The following THBS3 variants were observed in gnomAD, a reference collection of about 807,000 sequenced individuals.
The protein encoded by THBS3 is thrombospondin-3.
THBS3 carries 78 observed loss-of-function variants against 118.3 expected under a neutral mutation model. The ratio of observed to expected loss-of-function variants is 0.66; its 90% CI spans 0.55 to 0.80. The LOEUF (loss-of-function observed/expected upper bound fraction) is 0.80. THBS3 is among the 30% of genes least tolerant of loss of function. The pLI, the probability that THBS3 is intolerant of heterozygous loss-of-function variation, is 0.00. For synonymous variants in THBS3, 427 were observed against 475.3 expected, an observed-to-expected ratio of 0.90 and a Z score of 1.32; for missense variants, 1,057 against 1,247.4, an observed-to-expected ratio of 0.85 and a Z score of 2.30.
rs1371274246 is a variant in THBS3, at chr1:155,202,840, T to C, written c.929A>G (p.Asn310Ser). The change falls in exon 8 of 23, where the codon AAC becomes AGC. Residue 310 changes from asparagine to serine, a missense_variant. Asn to Ser is a conservative substitution (Grantham distance 46). Transcript: ENST00000368378. The surrounding 1 kb of genome is among the most constrained non-coding windows in gnomAD (Gnocchi z 5.5). ...CGPCPPGLQG[N>S]GTHCSDINEC... ...ATTGATGTCACTGCAGTGGGTGCCGTTGCCCTGCAGGCCAGGGGGGCAGGG... is the reference window on the plus strand; with the variant it reads ...ATTGATGTCACTGCAGTGGGTGCCGCTGCCCTGCAGGCCAGGGGGGCAGGG... 6.2e-7 allele frequency: 1 copy of C among 1,613,336 alleles called. No individual in the cohort carries two copies. Among genetic ancestry groups the C allele is most frequent in the Non-Finnish European group, 8.5e-7 (1 of 1,179,864 alleles).
chr1:155,208,714 CTCCGCTCCG>C, upstream of THBS3: 1 of 1,327,160 alleles, frequency 7.5e-7, no homozygotes, highest in Non-Finnish European at 9.9e-7. Context: ...CCAGCCCGGC[CTCCGCTCCG>C]GCCGCCGCCA....
chr1:155,208,051 G>A (rs1670817680), upstream of THBS3: 3 of 595,712 alleles, frequency 5.0e-6, no homozygotes, highest in South Asian at 2.0e-5. Flanking sequence ...CATCAGCTCT[G>A]GGAACCAGGG....
chr1:155,208,777 G>A (rs1319401970), upstream of THBS3: 5 of 1,345,126 alleles, frequency 3.7e-6, no homozygotes, highest in South Asian at 1.4e-5. Flanking sequence ...CGCAGGGCCC[G>A]CTCCAAACAT....
chr1:155,196,174 G>A (rs776414189), intron 21 of THBS3, 48 bp from the exon 22 acceptor site: 26 of 1,607,118 alleles, frequency 1.6e-5, no homozygotes, highest in Non-Finnish European at 2.1e-5. Flanking sequence ...TAGGGTGCCA[G>A]TGGGCACTGT....
chr1:155,203,201 C>G, intron 6 of THBS3, 22 bp downstream of exon 6: 2 of 1,614,226 alleles, frequency 1.2e-6, no homozygotes, highest in Non-Finnish European at 1.7e-6. Flanking sequence ...ATCAGTGCCA[C>G]CCTTCGCCAG....
Position 155,200,953 on chromosome 1 carries a change from C to T in THBS3, c.1492G>A (p.Gly498Ser), listed in dbSNP as rs781414244. 15 of 1,614,128 alleles carry T rather than the reference C, an allele frequency of 9.3e-6. No individual in the cohort carries two copies. In the African/African-American group the frequency reaches 2.0e-4, roughly 22 times the overall value. Residue 498 changes from glycine (G) to serine (S), a missense_variant, in exon 13 of 23, where the codon GGT becomes AGT. Physicochemically the swap from Gly to Ser is moderately conservative, Grantham distance 56. Transcript: ENST00000368378. ...NSGQEDADND[G>S]VGDQCDDDAD... ...TCATCATCACACTGGTCCCCCACACCATCATTATCAGCATCTTCCTGCCCA... is the reference window on the plus strand; with the variant it reads ...TCATCATCACACTGGTCCCCCACACTATCATTATCAGCATCTTCCTGCCCA...
rs545235756 is a variant in THBS3 at position 155,204,155 on chromosome 1, C to G, written c.647-616G>C. Among the ~76,000 whole-genome samples, 4 of 152,094 alleles carry G rather than the reference C, an allele frequency of 2.6e-5. No individual in the cohort carries two copies. In the East Asian group the frequency reaches 7.8e-4, roughly 30 times the overall value. Reference sequence around the variant, plus strand: ...ACACCCGCCATCCCATTCCCTTCTTCAAGAGCTCTCCCTCAAATATCTGGG... The same window carrying G: ...ACACCCGCCATCCCATTCCCTTCTTGAAGAGCTCTCCCTCAAATATCTGGG... On this transcript the variant is annotated intron_variant, in intron 4 of 22. Transcript: ENST00000368378.
Position 155,202,954 on chromosome 1 carries a change from TG to T in THBS3, c.814del (p.His272MetfsTer214), listed in dbSNP as rs1670003972. 6.2e-7 allele frequency: 1 copy of T among 1,613,822 alleles called. No homozygotes were observed. Among genetic ancestry groups the T allele is most frequent in the South Asian group, 1.1e-5 (1 of 91,086 alleles). ...TIMECQVCGF[H>X]EQRSHCSPNP... Reference sequence around the variant, plus strand: ...GGGGCTGCAGTGGGAACGCTGCTCATGGAAGCCTGAGGGGTGGACACAGTCA... The same window carrying T: ...GGGGCTGCAGTGGGAACGCTGCTCATGAAGCCTGAGGGGTGGACACAGTCA... On this transcript the variant is annotated frameshift_variant, in exon 8 of 23. Coordinates refer to ENST00000368378, the MANE Select transcript of THBS3 (RefSeq NM_007112.5). LOFTEE classifies it high-confidence loss of function. The surrounding 1 kb of genome is among the most constrained non-coding windows in gnomAD (Gnocchi z 5.5).
intron 14 of THBS3, 44 bp from the exon 15 acceptor site, chr1:155,200,157 T>C: frequency 2.0e-6 from 3 of 1,476,078 alleles, no homozygotes; most frequent in Non-Finnish European, 2.7e-6. Flanking sequence ...GAACATGCCA[T>C]ATTCTCTCTT....
In THBS3 at chr1:155,199,777, C is replaced by A. The variant is rs1434003692; in HGVS notation, c.1880+27G>T. On this transcript the variant is annotated intron_variant, in intron 16 of 22. Transcript: ENST00000368378. ...CTCAGAAAGACAAAAAAAAGAAAGA[C>A]CTTGCGTCTCTTGACCAAGACCTTA... 3 of 1,613,204 alleles carry A rather than the reference C, an allele frequency of 1.9e-6. No homozygotes were observed. In the African/African-American group the frequency reaches 4.0e-5, roughly 22 times the overall value.
In THBS3 at chr1:155,198,156, A is replaced by G; in HGVS notation, c.2139T>C (p.Asp713=). ...FDNDAVVDPL[D]VCPESAEVTL... is the part of the protein sequence containing the mutation. The stretch of plus-strand genomic sequence containing the variant: ...TTACCTCTGCACTTTCAGGACACAC[A>G]TCCAGGGGGTCGACCACAGCATCAT... The change falls in exon 18 of 23, where the codon GAT becomes GAC. Residue 713 remains aspartate (D), a synonymous_variant. Transcript: ENST00000368378. 2.5e-6 allele frequency: 4 copies of G among 1,614,132 alleles called. No homozygotes were observed. Among genetic ancestry groups the G allele is most frequent in the Non-Finnish European group, 3.4e-6 (4 of 1,180,036 alleles).
Position 155,201,619 on chromosome 1 carries a change from A to C in THBS3, c.1177-50T>G, listed in dbSNP as rs770595147. 5 of 1,582,660 alleles carry C rather than the reference A, an allele frequency of 3.2e-6. No homozygotes were observed. The Admixed American group carries it at 9.0e-5, about 28-fold the overall frequency. On this transcript the variant is annotated intron_variant, in intron 10 of 22. Transcript: ENST00000368378. ...AGGAAGGAGGGTGAGCCCACCAGGC[A>C]CCCAGGACCAGCACTGCTCCACCTG... is the stretch of plus-strand genomic sequence containing the variant.
At chr1:155,208,701 GC>G, upstream of THBS3, 1 of 888,664 alleles carries the variant, frequency 1.1e-6, no homozygotes. Context: ...CCCCACCCAA[GC>G]CCCAGCCCGG....
In THBS3 at chr1:155,202,043, G is replaced by T. The variant is rs1246529666; in HGVS notation, c.1099-9C>A. On this transcript the variant is annotated splice_polypyrimidine_tract_variant and intron_variant, in intron 9 of 22. Transcript: ENST00000368378. The surrounding 1 kb of genome is among the most constrained non-coding windows in gnomAD (Gnocchi z 5.5). ...TCGATGTCATTGCAGACCTGAAGGG[G>T]CAGACTTTGGGTGGAACCAGACCTA... The T allele has an allele frequency of 7.4e-6, 12 of 1,613,970 alleles. No individual in the cohort carries two copies. The highest frequency in any genetic ancestry group is 1.0e-5 in the Non-Finnish European group (12 of 1,180,040).
At position 155,199,874 on chromosome 1, in the gene THBS3, G is replaced by A; in HGVS notation, c.1828-18C>T. On this transcript the variant is annotated intron_variant, in intron 15 of 22. Coordinates refer to ENST00000368378, the MANE Select transcript of THBS3 (RefSeq NM_007112.5). ...GCATCTGTCTGAGAGAGAGGGACCT[G>A]TTCTCACCATCTCCTCTTGATAACT... is the stretch of plus-strand genomic sequence containing the variant. The A allele has an allele frequency of 1.2e-6, 2 of 1,614,154 alleles. No homozygotes were observed. The highest frequency in any genetic ancestry group is 2.2e-5 in the East Asian group (1 of 44,884).
At chr1:155,209,166 T>A (rs1306395574), upstream of THBS3, 2 of 1,496,224 alleles carry the variant, frequency 1.3e-6, no homozygotes, top group African/African-American at 2.8e-5. Context: ...ACCGCAACGA[T>A]CGGAGGGGCG....
At chr1:155,200,166 T>TTCTAGGTTGG (rs2147951184) in intron 14 of THBS3, 53 bp from the exon 15 acceptor site, 1 of 1,457,226 alleles carries the variant, frequency 6.9e-7, no homozygotes, top group South Asian at 1.4e-5. Context: ...ATATTCTCTC[T>TTCTAGGTTGG]TCTAGGTTGG....
chr1:155,197,912 T>G lies in THBS3; in HGVS notation c.2270A>C (p.Gln757Pro), dbSNP rs1180744690. ...VVLNQGMEIV[Q>P]TMNSDPGLAV... Reference sequence around the variant, plus strand: ...CAAGCCAGGGTCACTGTTCATGGTCTGAACGATTTCCATGCCCTGGGGTTG... The same window carrying G: ...CAAGCCAGGGTCACTGTTCATGGTCGGAACGATTTCCATGCCCTGGGGTTG... Residue 757 changes from glutamine to proline, a missense_variant, in exon 19 of 23, where the codon CAG becomes CCG. Gln to Pro is a moderately conservative substitution (Grantham distance 76). Coordinates refer to ENST00000368378, the MANE Select transcript of THBS3 (RefSeq NM_007112.5). The surrounding 1 kb of genome is among the most constrained non-coding windows in gnomAD (Gnocchi z 5.0). 2 of 1,614,114 alleles carry G rather than the reference T, an allele frequency of 1.2e-6. No homozygotes were observed.
chr1:155,199,767 AAAAG>A (rs776176026), intron 16 of THBS3, 33 bp downstream of exon 16: 56 of 1,612,682 alleles, frequency 3.5e-5, no homozygotes, highest in African/African-American at 1.3e-4. Flanking sequence ...AAAGACAAAA[AAAAG>A]AAAGACCTTG....
Sources: allele counts gnomAD v4.1 joint callset (sites outside exome capture counted in the v4.1 genomes callset), GRCh38; gene constraint gnomAD v4.1.1; non-coding constraint Gnocchi (gnomAD v3.1); transcripts MANE v1.5; gene names NCBI Gene and HGNC (gene_info 2026-07-23, HGNC 2026-07-21).